TAFA4: variants seen among roughly 807,000 people sequenced by gnomAD.
TAFA4 encodes TAFA chemokine like family member 4.
A neutral mutation model predicts 21.1 loss-of-function variants in TAFA4; 20 were observed. That is an observed-to-expected ratio of 0.95 (90% CI 0.67 to 1.38). The LOEUF is 1.38. Ranked by LOEUF, TAFA4 falls within the 40% of genes most tolerant of loss-of-function variation. The pLI, the probability that TAFA4 is intolerant of heterozygous loss-of-function variation, is 0.00. For missense variants in TAFA4, 211 were observed against 180.9 expected (o/e 1.17, Z -0.95); for synonymous variants, 71 against 67.4 (o/e 1.05, Z -0.26).
At chr3:68,826,198 G>A (rs1223642028) in intron 3 of TAFA4, among the ~76,000 whole-genome samples, 2 of 152,194 alleles carry the variant, frequency 1.3e-5, no homozygotes, top group Non-Finnish European at 2.9e-5. Context: ...CCAGATTTGA[G>A]AAGCCACCTC....
intron 3 of TAFA4, among the ~76,000 whole-genome samples, chr3:68,805,530 C>A (rs1703675899): frequency 6.6e-6 from 1 of 152,150 alleles, no homozygotes; most frequent in African/African-American, 2.4e-5. Flanking sequence ...GCACTATTCA[C>A]AATAGCAAAG....
At chr3:68,929,026 ATGAAT>A (rs758879204) in intron 1 of TAFA4, among the ~76,000 whole-genome samples, 21 of 152,148 alleles carry the variant, frequency 1.4e-4, no homozygotes, top group African/African-American at 1.9e-4. Flanking sequence ...CTGAAGGGAA[ATGAAT>A]TGAATAGCAA....
rs1703199987 is a variant in TAFA4 at position 68,783,771 on chromosome 3, G to GAAAGAAACAA, written c.131-30754_131-30753insTTGTTTCTTT. ...TAAGAAAGAAAGAAACAAAAACAAA[G>GAAAGAAACAA]AAACAAAGAAAAAGAGATGGACTGA... On this transcript the variant is annotated intron_variant, in intron 3 of 5. Transcript: ENST00000295569. 6.3e-5 allele frequency among the ~76,000 whole-genome samples: 9 copies of GAAAGAAACAA among 141,874 alleles called. No individual in the cohort carries two copies. The South Asian group carries it at 2.0e-3, about 32-fold the overall frequency. The allele number at this position is 141,874 out of a possible 152,430, so 93.1% of individuals were successfully genotyped here.
chr3:68,823,372 T>C (rs1353188887), intron 3 of TAFA4, among the ~76,000 whole-genome samples: 1 of 152,244 alleles, frequency 6.6e-6, no homozygotes, highest in African/African-American at 2.4e-5. Flanking sequence ...TTATTGCAGA[T>C]ATGTTGAAGT....
rs141507352 is a variant in TAFA4, at chr3:68,823,696, T to G, written c.130+57034A>C. Among the ~76,000 whole-genome samples the G allele has an allele frequency of 5.2e-3, 790 of 152,328 alleles. 21 individuals are homozygous for G. Among genetic ancestry groups the G allele is most frequent in the Admixed American group, 0.044 (674 of 15,300 alleles). ...AGCTCCCACTTATAAAGTGAGGACA[T>G]GCAGTGTTTGGTTTTCTGTTCCTGT... On this transcript the variant is annotated intron_variant, in intron 3 of 5. Coordinates refer to ENST00000295569, the MANE Select transcript of TAFA4 (RefSeq NM_182522.5).
intron 4 of TAFA4, among the ~76,000 whole-genome samples, chr3:68,740,430 A>G (rs1702327958): frequency 6.6e-6 from 1 of 152,232 alleles, no homozygotes; most frequent in Admixed American, 6.5e-5. Context: ...AAGCCACAGG[A>G]ACATGGGAGG....
At chr3:68,753,159 C>A (rs1702590889) in intron 3 of TAFA4, 141 bp from the exon 4 acceptor site, 1 of 764,610 alleles carries the variant, frequency 1.3e-6, no homozygotes, top group Non-Finnish European at 2.0e-6. Flanking sequence ...ATTTTGATAA[C>A]ATATTATTTC....
At chr3:68,891,654 G>A (rs2089731919) in intron 1 of TAFA4, among the ~76,000 whole-genome samples, 1 of 152,208 alleles carries the variant, frequency 6.6e-6, no homozygotes, top group Non-Finnish European at 1.5e-5. Context: ...AGAAGATGAT[G>A]GAAGTGAAAA....
chr3:68,777,541 T>C (rs777194385), intron 3 of TAFA4, among the ~76,000 whole-genome samples: 49 of 152,138 alleles, frequency 3.2e-4, no homozygotes, highest in Non-Finnish European at 6.2e-4. Context: ...CCTTATTGGA[T>C]AGTAAAGCCC....
intron 3 of TAFA4, among the ~76,000 whole-genome samples, chr3:68,820,365 A>T (rs962121107): frequency 6.6e-6 from 1 of 152,164 alleles, no homozygotes; most frequent in Non-Finnish European, 1.5e-5. Context: ...GCTACAGTTA[A>T]TAACGATATA....
At chr3:68,900,340 G>C (rs1453917051) in intron 1 of TAFA4, among the ~76,000 whole-genome samples, 1 of 150,692 alleles carries the variant, frequency 6.6e-6, no homozygotes, top group Non-Finnish European at 1.5e-5. Flanking sequence ...TAATTCCATA[G>C]TAACTTTGGT....
At chr3:68,738,929 CA>C (rs1419782184) in intron 5 of TAFA4, 145 bp downstream of exon 5, 5 of 1,151,276 alleles carry the variant, frequency 4.3e-6, no homozygotes, top group African/African-American at 1.6e-5. Flanking sequence ...ATGCGCTTTT[CA>C]AAAAGGCCAA....
intron 3 of TAFA4, among the ~76,000 whole-genome samples, chr3:68,810,086 AT>A (rs1703798958): frequency 6.6e-6 from 1 of 152,166 alleles, no homozygotes; most frequent in African/African-American, 2.4e-5. Context: ...GAATTTTAGA[AT>A]TCTTTTTTCC....
At position 68,737,590 on chromosome 3, in the gene TAFA4, G is replaced by C. The variant is rs143540952; in HGVS notation, c.411+1485C>G. On this transcript the variant is annotated intron_variant, in intron 5 of 5. Coordinates refer to ENST00000295569, the MANE Select transcript of TAFA4 (RefSeq NM_182522.5). ...AATCTGGGGTATAATATCAGCTAAA[G>C]TTCCCATTTAAAATGTATTGTAGAA... 3.3e-5 allele frequency among the ~76,000 whole-genome samples: 5 copies of C among 152,198 alleles called. No homozygotes were observed. In the East Asian group the frequency reaches 9.6e-4, roughly 29 times the overall value.
chr3:68,928,107 T>A (rs1479092876), intron 1 of TAFA4, among the ~76,000 whole-genome samples: 2 of 152,178 alleles, frequency 1.3e-5, no homozygotes, highest in Non-Finnish European at 2.9e-5. Context: ...TATTTATGCT[T>A]GTGTTAATGA....
intron 3 of TAFA4, among the ~76,000 whole-genome samples, chr3:68,822,111 T>C (rs936639903): frequency 6.6e-6 from 1 of 152,210 alleles, no homozygotes; most frequent in Non-Finnish European, 1.5e-5. Flanking sequence ...CAGCTGTCTT[T>C]CTGAATTATC....
chr3:68,760,180 C>A (rs897813441), intron 3 of TAFA4, among the ~76,000 whole-genome samples: 3 of 152,146 alleles, frequency 2.0e-5, no homozygotes, highest in African/African-American at 7.2e-5. Context: ...ATAATCCTTA[C>A]AACAAAAATT....
rs373615803 is a variant in TAFA4, at chr3:68,733,159, A to C, written c.412-6T>G. The C allele has an allele frequency of 6.2e-7, 1 of 1,612,978 alleles. No homozygotes were observed. Among genetic ancestry groups the C allele is most frequent in the African/African-American group, 1.3e-5 (1 of 74,856 alleles). ...TCTCTTCGCTACCGCGTTACCTAAA[A>C]CAAATCAAAATAAGGGAACATTCAA... On this transcript the variant is annotated splice_region_variant and splice_polypyrimidine_tract_variant and intron_variant, in intron 5 of 5. Transcript: ENST00000295569.
At chr3:68,822,765 C>A (rs1380006073) in intron 3 of TAFA4, among the ~76,000 whole-genome samples, 11 of 152,182 alleles carry the variant, frequency 7.2e-5, no homozygotes, top group Non-Finnish European at 1.5e-4. Context: ...AGCCACTGCG[C>A]CTGGCTGCTA....
Sources: allele counts gnomAD v4.1 joint callset (sites outside exome capture counted in the v4.1 genomes callset), GRCh38; gene constraint gnomAD v4.1.1; transcripts MANE v1.5; gene names NCBI Gene and HGNC (gene_info 2026-07-23, HGNC 2026-07-21).